The following XYLT1 variants were observed in gnomAD, a reference collection of about 807,000 sequenced individuals.
The protein encoded by XYLT1 is beta-D-xylosyltransferase 1.
In XYLT1, 36 loss-of-function variants were observed where a neutral mutation model predicts 91.3. That is an observed-to-expected ratio of 0.39 (90% CI 0.30 to 0.52). The LOEUF (loss-of-function observed/expected upper bound fraction) is 0.52, where lower values mean the gene tolerates loss of function less well. Among genes scored for constraint, XYLT1 ranks in the 20% least tolerant of loss-of-function variants. XYLT1 has a pLI of 0.68. For synonymous variants in XYLT1, 588 were observed against 532.0 expected, an observed-to-expected ratio of 1.11 and a Z score of -1.45; for missense variants, 1,242 against 1,284.5, an observed-to-expected ratio of 0.97 and a Z score of 0.51.
chr16:17,388,948 G>A (rs1276559860), intron 1 of XYLT1, among the ~76,000 whole-genome samples: 1 of 152,202 alleles, frequency 6.6e-6, no homozygotes, highest in Non-Finnish European at 1.5e-5. Flanking sequence ...CAGTGGGAAT[G>A]AGCAGCCAGC....
chr16:17,447,964 T>C (rs868825401), intron 1 of XYLT1, among the ~76,000 whole-genome samples: 16 of 152,348 alleles, frequency 1.1e-4, no homozygotes, highest in Non-Finnish European at 1.8e-4. Context: ...CATCATTGAT[T>C]GAATAACAAT....
At chr16:17,206,333 T>C (rs2032643717) in intron 3 of XYLT1, among the ~76,000 whole-genome samples, 1 of 151,424 alleles carries the variant, frequency 6.6e-6, no homozygotes. Context: ...TTAAAAGAGG[T>C]TTTCTGGTGA....
At chr16:17,468,218 G>A (rs1246749925) in intron 1 of XYLT1, among the ~76,000 whole-genome samples, 1 of 152,264 alleles carries the variant, frequency 6.6e-6, no homozygotes, top group East Asian at 1.9e-4. Context: ...CAGCCTGTCT[G>A]TACTGTGATT....
chr16:17,405,098 ATGT>A (rs2036015082), intron 1 of XYLT1, among the ~76,000 whole-genome samples: 1 of 151,640 alleles, frequency 6.6e-6, no homozygotes, highest in South Asian at 2.1e-4. Flanking sequence ...TACACAGCTG[ATGT>A]TGCTGATCAA....
intron 1 of XYLT1, among the ~76,000 whole-genome samples, chr16:17,410,919 GGCGTGA>G (rs1411690072): frequency 1.3e-5 from 2 of 152,172 alleles, no homozygotes; most frequent in Admixed American, 1.3e-4. Flanking sequence ...TGGGATTACA[GGCGTGA>G]GCCACCATGC....
At chr16:17,348,157 G>A (rs559630548) in intron 2 of XYLT1, among the ~76,000 whole-genome samples, 2 of 152,216 alleles carry the variant, frequency 1.3e-5, no homozygotes, top group South Asian at 2.1e-4. Flanking sequence ...TGGGGCTGGG[G>A]CTTGCGGGGG....
chr16:17,459,906 C>T (rs2036794455), intron 1 of XYLT1, among the ~76,000 whole-genome samples: 1 of 152,178 alleles, frequency 6.6e-6, no homozygotes, highest in Non-Finnish European at 1.5e-5. Flanking sequence ...CCACGGGTTA[C>T]AAGACGCTGT....
At chr16:17,139,460 G>A (rs1038679304) in intron 7 of XYLT1, among the ~76,000 whole-genome samples, 7 of 152,158 alleles carry the variant, frequency 4.6e-5, no homozygotes, top group Non-Finnish European at 7.4e-5. Context: ...GCACACACAC[G>A]GAGCTTTGGT....
intron 8 of XYLT1, among the ~76,000 whole-genome samples, chr16:17,136,551 G>A (rs1473096371): frequency 6.6e-6 from 1 of 152,164 alleles, no homozygotes; most frequent in Non-Finnish European, 1.5e-5. Context: ...TACTAGCATA[G>A]TGTCTAGCAC....
At chr16:17,259,577 T>A in intron 2 of XYLT1, 79 bp from the exon 3 acceptor site, 9 of 1,490,142 alleles carry the variant, frequency 6.0e-6, no homozygotes, top group Non-Finnish European at 8.1e-6. Context: ...GAAGAGTGAG[T>A]CATACGGACT....
At chr16:17,435,175 G>A (rs1407521085) in intron 1 of XYLT1, among the ~76,000 whole-genome samples, 1 of 152,230 alleles carries the variant, frequency 6.6e-6, no homozygotes. Flanking sequence ...GGTTACACCA[G>A]GCTGAAGTGT....
At chr16:17,113,710 C>CT (rs1302704200) in intron 11 of XYLT1, among the ~76,000 whole-genome samples, 6 of 152,342 alleles carry the variant, frequency 3.9e-5, no homozygotes, top group African/African-American at 1.2e-4. Context: ...ACAGACAGGG[C>CT]TTGCTGAGTT....
chr16:17,383,743 T>C (rs995902480), intron 1 of XYLT1, among the ~76,000 whole-genome samples: 1 of 147,658 alleles, frequency 6.8e-6, no homozygotes, highest in East Asian at 2.0e-4. Flanking sequence ...TGACCCAAAG[T>C]GGAATTTTCT....
chr16:17,318,847 G>A (rs1249853129), intron 2 of XYLT1, among the ~76,000 whole-genome samples: 6 of 151,608 alleles, frequency 4.0e-5, no homozygotes, highest in Non-Finnish European at 2.9e-5. Flanking sequence ...AAGGGCAGTG[G>A]CACGATCTCA....
chr16:17,373,295 A>G (rs1199061531), intron 1 of XYLT1, among the ~76,000 whole-genome samples: 2 of 152,192 alleles, frequency 1.3e-5, no homozygotes, highest in Non-Finnish European at 2.9e-5. Context: ...ATCAGCGTCT[A>G]CAGTGCTCGG....
chr16:17,327,523 C>T (rs9745837), intron 2 of XYLT1, among the ~76,000 whole-genome samples: 16,993 of 146,938 alleles, frequency 0.12, 3,304 homozygotes, highest in African/African-American at 0.4. Context: ...CCACCATGCC[C>T]GGCTAATTTT....
At chr16:17,364,315 A>C (rs978103578) in intron 1 of XYLT1, among the ~76,000 whole-genome samples, 2 of 152,222 alleles carry the variant, frequency 1.3e-5, no homozygotes, top group Non-Finnish European at 2.9e-5. Flanking sequence ...GACACTATTA[A>C]TAATTATACA....
Position 17,383,512 on chromosome 16 carries a change from A to T in XYLT1, c.364-25462T>A, listed in dbSNP as rs1322422022. Among the ~76,000 whole-genome samples, 4 of 151,882 alleles carry T rather than the reference A, an allele frequency of 2.6e-5. No individual in the cohort carries two copies. The Admixed American group carries it at 2.6e-4, about 10-fold the overall frequency. On this transcript the variant is annotated intron_variant, in intron 1 of 11. Transcript: ENST00000261381. ...TTATCCACTTGTTTTCCCAGAGCCAAACAGGGTGTCTGACATACGGTCCTG... is the reference window on the plus strand; with the variant it reads ...TTATCCACTTGTTTTCCCAGAGCCATACAGGGTGTCTGACATACGGTCCTG...
At chr16:17,180,980 T>C (rs1266149360) in intron 5 of XYLT1, among the ~76,000 whole-genome samples, 1 of 152,128 alleles carries the variant, frequency 6.6e-6, no homozygotes, top group Non-Finnish European at 1.5e-5. Flanking sequence ...CACTTGAGCA[T>C]GGGGATGGGG....
Sources: allele counts gnomAD v4.1 joint callset (sites outside exome capture counted in the v4.1 genomes callset), GRCh38; gene constraint gnomAD v4.1.1; transcripts MANE v1.5; gene names NCBI Gene and HGNC (gene_info 2026-07-23, HGNC 2026-07-21).